The following SMARCA2 variants were observed in gnomAD, a reference collection of about 807,000 sequenced individuals.
SMARCA2 encodes SWI/SNF-related matrix-associated actin-dependent regulator of chromatin subfamily A member 2.
Under a neutral mutation model 199.8 loss-of-function variants are expected in SMARCA2, and 61 were observed. That is an observed-to-expected ratio of 0.31 (90% CI 0.25 to 0.38). The LOEUF (loss-of-function observed/expected upper bound fraction) is 0.38. Among genes scored for constraint, SMARCA2 ranks in the 10% least tolerant of loss-of-function variants. The pLI is 1.00. For synonymous variants in SMARCA2, 935 were observed against 732.0 expected, an observed-to-expected ratio of 1.28 and a Z score of -4.48; for missense variants, 1,344 against 2,012.2, an observed-to-expected ratio of 0.67 and a Z score of 6.35.
intron 10 of SMARCA2, 160 bp from the exon 11 acceptor site, chr9:2,073,052 T>A: frequency 1.4e-6 from 1 of 732,150 alleles, no homozygotes. Context: ...TAGTGGGAGG[T>A]AGCCTCTCAC....
rs1230695161 is a variant in SMARCA2 at position 2,170,225 on chromosome 9, T to A, written c.4200-194T>A. On this transcript the variant is annotated intron_variant, in intron 28 of 33. Transcript: ENST00000349721. This position sits in a 1 kb window ranked among gnomAD's most constrained non-coding sequence, Gnocchi z 4.7. ...TCCCAGAAAGGTTAGGAAATCCACT[T>A]CCCCCACCATTTTTAGAGAACTATG... Among the ~76,000 whole-genome samples the A allele has an allele frequency of 2.6e-5, 4 of 151,986 alleles. No homozygotes were observed. The highest frequency in any genetic ancestry group is 4.8e-5 in the African/African-American group (2 of 41,366).
intron 7 of SMARCA2, 118 bp from the exon 8 acceptor site, chr9:2,058,172 TC>T (rs1291035126): frequency 3.6e-5 from 31 of 853,032 alleles, no homozygotes; most frequent in Non-Finnish European, 3.0e-5. Flanking sequence ...CCAAACAGAT[TC>T]TAGTCTTCCT....
chr9:2,151,312 A>G (rs149082191), intron 27 of SMARCA2, among the ~76,000 whole-genome samples: 5 of 151,710 alleles, frequency 3.3e-5, no homozygotes, highest in African/African-American at 1.2e-4. Context: ...GCCACCAAAG[A>G]TGAAAGTGCT....
At chr9:2,127,034 G>A (rs1211314585) in intron 27 of SMARCA2, among the ~76,000 whole-genome samples, 3 of 152,178 alleles carry the variant, frequency 2.0e-5, no homozygotes, top group Non-Finnish European at 4.4e-5. Context: ...GTTCAGTCTG[G>A]ATTGAACTTT....
intron 10 of SMARCA2, among the ~76,000 whole-genome samples, chr9:2,072,580 T>C (rs1338779904): frequency 6.6e-6 from 1 of 152,240 alleles, no homozygotes; most frequent in African/African-American, 2.4e-5. Flanking sequence ...TGACATAAGT[T>C]ATAATACCTT....
Position 2,054,706 on chromosome 9 carries a change from C to T in SMARCA2, c.1156C>T (p.Leu386Phe), listed in dbSNP as rs1372949469. The T allele has an allele frequency of 9.3e-6, 15 of 1,613,930 alleles. No individual in the cohort carries two copies. Residue 386 changes from leucine to phenylalanine, a missense_variant, in exon 6 of 34, where the codon CTC (leucine) becomes TTC (phenylalanine). Leu to Phe is a conservative substitution (Grantham distance 22). This residue lies in a region of SMARCA2 where 155 missense variants were observed against 260.0 expected (regional missense o/e 0.60). Coordinates refer to ENST00000349721, the MANE Select transcript of SMARCA2 (RefSeq NM_003070.5). ...CGTGGAACTAAAAGCACTTCGGTTA[C>T]TCAATTTCCAGCGTCAGGTAATACA... Reference protein sequence around the residue: ...ATVELKALRLLNFQRQLRQEV... With the variant: ...ATVELKALRLFNFQRQLRQEV...
intron 27 of SMARCA2, among the ~76,000 whole-genome samples, chr9:2,128,986 C>T (rs990916202): frequency 1.3e-5 from 2 of 152,172 alleles, no homozygotes; most frequent in African/African-American, 2.4e-5. Flanking sequence ...TTGGGGGTCC[C>T]GAGGCCCCCC....
chr9:2,181,917 C>T (rs1322032206), intron 30 of SMARCA2, among the ~76,000 whole-genome samples: 1 of 152,184 alleles, frequency 6.6e-6, no homozygotes, highest in East Asian at 1.9e-4. Flanking sequence ...CATTATTGCT[C>T]TTCTCATTTC....
At chr9:2,101,519 G>C in intron 21 of SMARCA2, 51 bp from the exon 22 acceptor site, 2 of 950,222 alleles carry the variant, frequency 2.1e-6, no homozygotes. Flanking sequence ...TAATCATTAA[G>C]TTAATAATTA....
intron 10 of SMARCA2, among the ~76,000 whole-genome samples, chr9:2,072,571 G>T (rs1270040623): frequency 2.0e-5 from 3 of 152,228 alleles, no homozygotes; most frequent in African/African-American, 7.2e-5. Context: ...CTCATGAGAT[G>T]ACATAAGTTA....
chr9:2,125,375 G>A (rs1258593424), intron 27 of SMARCA2, among the ~76,000 whole-genome samples: 11 of 152,028 alleles, frequency 7.2e-5, no homozygotes, highest in Admixed American at 7.2e-4. Flanking sequence ...TCTGTAATAT[G>A]AAGAGTTTTT....
Position 2,123,754 on chromosome 9 carries a change from G to C in SMARCA2, c.3798G>C (p.Arg1266=). The change falls in exon 27 of 34, where the codon CGG becomes CGC. Residue 1266 remains arginine (R), a synonymous_variant. Coordinates refer to ENST00000349721, the MANE Select transcript of SMARCA2 (RefSeq NM_003070.5). The surrounding 1 kb of genome is among the most constrained non-coding windows in gnomAD (Gnocchi z 4.1). ...TGGACCGGCGGAGGGAAGATGCCCG[G>C]AACCCGAAACGGAAGCCCCGTTTAA... ...MDMDRRREDA[R]NPKRKPRLME... 2.5e-6 allele frequency: 4 copies of C among 1,614,138 alleles called. No homozygotes were observed. Among genetic ancestry groups the C allele is most frequent in the Middle Eastern group, 3.3e-4 (2 of 6,062 alleles).
At position 2,017,080 on chromosome 9, in the gene SMARCA2, G is replaced by A. The variant is rs1818385533; in HGVS notation, c.-37+1676G>A. On this transcript the variant is annotated intron_variant, in intron 1 of 33. Transcript: ENST00000349721. The surrounding 1 kb of genome is among the most constrained non-coding windows in gnomAD (Gnocchi z 8.8). ...CACCCGCGCCTTGGCCGGGGCACTT[G>A]GGCCGGTTTCCGGTACACGCGGGGA... 6.6e-6 allele frequency: 1 copy of A among 152,264 alleles called. No homozygotes were observed. The highest frequency in any genetic ancestry group is 6.5e-5 in the Admixed American group (1 of 15,288). 9.4% of individuals were successfully genotyped at this position (152,264 alleles called of 1,614,324 possible).
At chr9:2,087,883 C>T (rs898182225) in intron 18 of SMARCA2, among the ~76,000 whole-genome samples, 4 of 152,168 alleles carry the variant, frequency 2.6e-5, no homozygotes, top group African/African-American at 9.7e-5. Context: ...TGTCAATCAA[C>T]TCTGCCCCCT....
chr9:2,108,212 C>G (rs2130571529), intron 23 of SMARCA2, among the ~76,000 whole-genome samples: 1 of 152,300 alleles, frequency 6.6e-6, no homozygotes, highest in African/African-American at 2.4e-5. Flanking sequence ...CGGGTTTGAA[C>G]TGGACAGAGC....
intron 27 of SMARCA2, among the ~76,000 whole-genome samples, chr9:2,138,791 A>C (rs1193569630): frequency 2.0e-5 from 3 of 152,168 alleles, no homozygotes; most frequent in Admixed American, 2.0e-4. Context: ...CTGCTCTGTC[A>C]TTCTCCAGCT....
chr9:2,180,201 CCT>C (rs1328661455), intron 29 of SMARCA2, among the ~76,000 whole-genome samples: 1 of 151,964 alleles, frequency 6.6e-6, no homozygotes, highest in Non-Finnish European at 1.5e-5. Context: ...TGCGTTCACC[CCT>C]GATTTTCGTA....
intron 1 of SMARCA2, among the ~76,000 whole-genome samples, chr9:2,018,418 G>A (rs553460284): frequency 1.1e-4 from 17 of 152,276 alleles, no homozygotes; most frequent in African/African-American, 4.1e-4. Context: ...AAGCGACCTG[G>A]GCTAGTAATC....
At chr9:2,095,121 C>G (rs1256257235) in intron 19 of SMARCA2, among the ~76,000 whole-genome samples, 8 of 150,678 alleles carry the variant, frequency 5.3e-5, no homozygotes, top group African/African-American at 2.0e-4. Context: ...AGTCTTGCTC[C>G]GTCACCCAGG....
Sources: allele counts gnomAD v4.1 joint callset (sites outside exome capture counted in the v4.1 genomes callset), GRCh38; gene constraint gnomAD v4.1.1; regional missense constraint gnomAD v4.1.1; non-coding constraint Gnocchi (gnomAD v3.1); transcripts MANE v1.5; gene names NCBI Gene and HGNC (gene_info 2026-07-23, HGNC 2026-07-21).